Variants in SNTG1 observed in about 807,000 individuals in gnomAD.
SNTG1 encodes gamma-1-syntrophin.
SNTG1 carries 39 observed loss-of-function variants against 74.7 expected under a neutral mutation model. The ratio of observed to expected loss-of-function variants is 0.52; its 90% CI spans 0.40 to 0.68. The LOEUF is 0.68. Among genes scored for constraint, SNTG1 ranks in the 30% least tolerant of loss-of-function variants. The pLI is 0.00. For synonymous variants in SNTG1, 254 were observed against 217.1 expected (o/e 1.17, Z -1.49); for missense variants, 685 against 609.5 (o/e 1.12, Z -1.30).
intron 17 of SNTG1, among the ~76,000 whole-genome samples, chr8:50,735,934 C>A (rs780098336): frequency 4.6e-5 from 7 of 151,944 alleles, no homozygotes; most frequent in Non-Finnish European, 1.0e-4. Flanking sequence ...CTGCAGAAAC[C>A]CTACAAGCTA....
chr8:50,777,686 T>A (rs2131813661), intron 18 of SNTG1, among the ~76,000 whole-genome samples: 1 of 151,574 alleles, frequency 6.6e-6, no homozygotes, highest in East Asian at 1.9e-4. Flanking sequence ...TCTCTCTCTC[T>A]TTTTTTTAAT....
At chr8:50,214,321 A>T (rs1273892983) in intron 2 of SNTG1, among the ~76,000 whole-genome samples, 1 of 151,052 alleles carries the variant, frequency 6.6e-6, no homozygotes, top group Non-Finnish European at 1.5e-5. Flanking sequence ...TGACGAGTTA[A>T]TGGGTGCAGC....
chr8:50,102,843 C>T (rs2080197558), intron 1 of SNTG1, among the ~76,000 whole-genome samples: 1 of 148,416 alleles, frequency 6.7e-6, no homozygotes, highest in Admixed American at 6.7e-5. Flanking sequence ...TTGTTTTTGT[C>T]AGGTTTGTCA....
At chr8:50,543,542 T>C (rs2094364032) in intron 11 of SNTG1, among the ~76,000 whole-genome samples, 1 of 152,130 alleles carries the variant, frequency 6.6e-6, no homozygotes, top group Non-Finnish European at 1.5e-5. Context: ...TTCCTTTTCA[T>C]TTCTGAGTGA....
At chr8:50,698,675 C>T (rs1422082534) in intron 15 of SNTG1, among the ~76,000 whole-genome samples, 1 of 152,114 alleles carries the variant, frequency 6.6e-6, no homozygotes, top group African/African-American at 2.4e-5. Flanking sequence ...GCACAGCTTG[C>T]AAAGAGCTAG....
chr8:50,209,656 G>A (rs1051771181), intron 2 of SNTG1, among the ~76,000 whole-genome samples: 16 of 152,314 alleles, frequency 1.1e-4, no homozygotes, highest in African/African-American at 3.6e-4. Flanking sequence ...TGCAGCTGAG[G>A]GTCCTGACTG....
At chr8:50,661,929 T>C (rs57900651) in intron 15 of SNTG1, among the ~76,000 whole-genome samples, 4,195 of 152,262 alleles carry the variant, frequency 0.028, 167 homozygotes, top group African/African-American at 0.092. Context: ...CTTCAAGCAT[T>C]CCTTTTCCCA....
At chr8:50,775,627 C>A (rs2095638690) in intron 18 of SNTG1, among the ~76,000 whole-genome samples, 1 of 151,546 alleles carries the variant, frequency 6.6e-6, no homozygotes, top group Non-Finnish European at 1.5e-5. Context: ...TTAGTTTGAT[C>A]TTGTCAGTTG....
At chr8:50,121,173 A>G (rs2080987863) in intron 1 of SNTG1, among the ~76,000 whole-genome samples, 1 of 142,708 alleles carries the variant, frequency 7.0e-6, no homozygotes, top group African/African-American at 2.5e-5. Context: ...AGTGCCTCTG[A>G]ATATAACAAC....
chr8:49,978,100 G>C, intron 1 of SNTG1, among the ~76,000 whole-genome samples: 1 of 152,222 alleles, frequency 6.6e-6, no homozygotes, highest in East Asian at 1.9e-4. Context: ...TGGACGTTGG[G>C]ATGTTGAAAT....
intron 1 of SNTG1, among the ~76,000 whole-genome samples, chr8:50,062,395 C>T (rs780692238): frequency 3.6e-4 from 55 of 151,638 alleles, no homozygotes; most frequent in Admixed American, 1.8e-3. Flanking sequence ...ATTTTTTTTT[C>T]AACTCTTATC....
intron 2 of SNTG1, among the ~76,000 whole-genome samples, chr8:50,199,090 G>A (rs778320630): frequency 6.6e-6 from 1 of 152,042 alleles, no homozygotes; most frequent in African/African-American, 2.4e-5. Context: ...TGAAGACGGT[G>A]GAAGATAGTT....
intron 1 of SNTG1, among the ~76,000 whole-genome samples, chr8:50,089,456 A>G (rs1042852456): frequency 1.3e-5 from 2 of 151,528 alleles, no homozygotes; most frequent in Admixed American, 1.3e-4. Flanking sequence ...AACTACCATC[A>G]GAGTGAACAG....
chr8:50,152,861 G>A (rs891044425), intron 1 of SNTG1, among the ~76,000 whole-genome samples: 2 of 152,040 alleles, frequency 1.3e-5, no homozygotes, highest in African/African-American at 4.8e-5. Flanking sequence ...TTCAACTTTG[G>A]TGAATCTGCC....
At chr8:50,007,266 C>T (rs1466128955) in intron 1 of SNTG1, among the ~76,000 whole-genome samples, 1 of 152,118 alleles carries the variant, frequency 6.6e-6, no homozygotes, top group Non-Finnish European at 1.5e-5. Context: ...ATATGACATC[C>T]TACTTCTGGG....
chr8:50,448,334 C>T (rs2093424607), intron 5 of SNTG1, among the ~76,000 whole-genome samples: 1 of 151,970 alleles, frequency 6.6e-6, no homozygotes, highest in African/African-American at 2.4e-5. Flanking sequence ...TTCAATATTC[C>T]TGCTTTTCTA....
chr8:50,346,060 A>G (rs1472736500), intron 2 of SNTG1, among the ~76,000 whole-genome samples: 2 of 152,234 alleles, frequency 1.3e-5, no homozygotes, highest in Non-Finnish European at 2.9e-5. Context: ...ATGACGGGCC[A>G]TAATGAAGCA....
intron 15 of SNTG1, among the ~76,000 whole-genome samples, chr8:50,683,553 C>T (rs1327017797): frequency 6.6e-6 from 1 of 152,084 alleles, no homozygotes; most frequent in South Asian, 2.1e-4. Context: ...TGCCAGATAC[C>T]ATTTCCCACA....
chr8:50,015,844 C>T (rs1816258173), intron 1 of SNTG1, among the ~76,000 whole-genome samples: 1 of 152,088 alleles, frequency 6.6e-6, no homozygotes, highest in South Asian at 2.1e-4. Context: ...AATGGTTGGG[C>T]TGCTTGAAGA....
Sources: gnomAD v4.1 joint callset for allele counts (sites outside exome capture counted in the v4.1 genomes callset) on GRCh38, gnomAD v4.1.1 for gene constraint, MANE v1.5 for transcripts, NCBI Gene and HGNC (gene_info 2026-07-23, HGNC 2026-07-21) for gene names.